Variants in TCF7L1 observed in about 807,000 individuals in gnomAD.
The protein encoded by TCF7L1 is transcription factor 7-like 1.
A neutral mutation model predicts 63.7 loss-of-function variants in TCF7L1; 18 were observed. The ratio of observed to expected loss-of-function variants is 0.28; its 90% CI spans 0.20 to 0.42. The LOEUF (loss-of-function observed/expected upper bound fraction) is 0.42. TCF7L1 is among the 10% of genes least tolerant of loss of function. TCF7L1 has a pLI of 1.00. For synonymous variants in TCF7L1, 355 were observed against 340.9 expected (o/e 1.04, Z -0.46); for missense variants, 654 against 779.3 (o/e 0.84, Z 1.91).
chr2:85,142,877 C>G (rs1384197964), intron 3 of TCF7L1, among the ~76,000 whole-genome samples: 1 of 152,330 alleles, frequency 6.6e-6, no homozygotes, highest in East Asian at 1.9e-4. Flanking sequence ...GTTAGCAATG[C>G]TCTGAGCTCA....
chr2:85,192,303 G>C (rs1679051242), intron 3 of TCF7L1, among the ~76,000 whole-genome samples: 1 of 152,198 alleles, frequency 6.6e-6, no homozygotes, highest in Non-Finnish European at 1.5e-5. Flanking sequence ...CCCAAACTCA[G>C]TCTAGTCATC....
intron 3 of TCF7L1, among the ~76,000 whole-genome samples, chr2:85,241,294 CT>C (rs752800541): frequency 1.5e-4 from 23 of 152,192 alleles, no homozygotes; most frequent in Non-Finnish European, 3.1e-4. Context: ...TTGAAATGCC[CT>C]GTCCTCAGTG....
chr2:85,179,149 T>A (rs563200283), intron 3 of TCF7L1, among the ~76,000 whole-genome samples: 1 of 152,346 alleles, frequency 6.6e-6, no homozygotes, highest in South Asian at 2.1e-4. Context: ...TAATTGCCTT[T>A]ATTGCCATGT....
chr2:85,139,393 G>C (rs1230090924), intron 3 of TCF7L1, among the ~76,000 whole-genome samples: 2 of 152,160 alleles, frequency 1.3e-5, no homozygotes, highest in African/African-American at 4.8e-5. Flanking sequence ...AATGGCTAAG[G>C]GACCATGGGA....
At chr2:85,149,954 GGACAA>G (rs1677969147) in intron 3 of TCF7L1, among the ~76,000 whole-genome samples, 1 of 152,144 alleles carries the variant, frequency 6.6e-6, no homozygotes, top group African/African-American at 2.4e-5. Flanking sequence ...TAAGATGAAG[GGACAA>G]GATACGTTCT....
chr2:85,222,897 A>C (rs986814074), intron 3 of TCF7L1, among the ~76,000 whole-genome samples: 36 of 152,174 alleles, frequency 2.4e-4, no homozygotes, highest in African/African-American at 7.7e-4. Flanking sequence ...AATATTTACC[A>C]ATGAAGTGAT....
chr2:85,270,253 C>T (rs1681118085), intron 3 of TCF7L1, among the ~76,000 whole-genome samples: 1 of 152,234 alleles, frequency 6.6e-6, no homozygotes, highest in African/African-American at 2.4e-5. Context: ...GCTTCTCCTC[C>T]CATAGGGGAA....
chr2:85,142,497 TACAC>T (rs1321375839), intron 3 of TCF7L1, among the ~76,000 whole-genome samples: 8 of 147,700 alleles, frequency 5.4e-5, no homozygotes, highest in East Asian at 2.0e-4. Context: ...TATATATATA[TACAC>T]ACACACACAA....
chr2:85,226,525 A>G (rs1303425138), intron 3 of TCF7L1, among the ~76,000 whole-genome samples: 2 of 152,024 alleles, frequency 1.3e-5, no homozygotes, highest in African/African-American at 4.8e-5. Flanking sequence ...GTGCTTCTCT[A>G]TGTCAGTGCA....
chr2:85,205,371 TCC>T (rs1485652834), intron 3 of TCF7L1, among the ~76,000 whole-genome samples: 1 of 152,162 alleles, frequency 6.6e-6, no homozygotes, highest in Non-Finnish European at 1.5e-5. Context: ...GCCTTTGTCT[TCC>T]GGCTGTAGCA....
chr2:85,241,320 G>T (rs1256117752), intron 3 of TCF7L1, among the ~76,000 whole-genome samples: 1 of 152,096 alleles, frequency 6.6e-6, no homozygotes, highest in East Asian at 1.9e-4. Flanking sequence ...CTACATGGTG[G>T]TGCACAGTAG....
At chr2:85,234,890 T>G (rs188289929) in intron 3 of TCF7L1, among the ~76,000 whole-genome samples, 16 of 152,276 alleles carry the variant, frequency 1.1e-4, no homozygotes, top group Admixed American at 1.0e-3. Flanking sequence ...AGAGGGTTGC[T>G]GGGGATGGGC....
At chr2:85,296,090 T>G (rs967455940) in intron 4 of TCF7L1, among the ~76,000 whole-genome samples, 4 of 152,192 alleles carry the variant, frequency 2.6e-5, no homozygotes, top group African/African-American at 9.6e-5. Context: ...TAACATTAAC[T>G]TTTCATGTCA....
chr2:85,253,538 G>A (rs62165595), intron 3 of TCF7L1, among the ~76,000 whole-genome samples: 51,688 of 151,950 alleles, frequency 0.34, 9,596 homozygotes, highest in Non-Finnish European at 0.43. Context: ...AAGATGAGTG[G>A]GGCCATGACC....
chr2:85,273,144 G>T (rs1681192322), intron 3 of TCF7L1, among the ~76,000 whole-genome samples: 1 of 152,134 alleles, frequency 6.6e-6, no homozygotes. Flanking sequence ...AGCTTCCTGG[G>T]CTCTCCTCCC....
chr2:85,299,904 C>CACACACACACACACACACACACA (rs1558660698), intron 4 of TCF7L1, among the ~76,000 whole-genome samples: 1 of 150,272 alleles, frequency 6.7e-6, no homozygotes, highest in African/African-American at 2.5e-5. Context: ...CACACACACA[C>CACACACACACACACACACACACA]TGATGCCCAG....
At chr2:85,147,914 T>C (rs114375470) in intron 3 of TCF7L1, among the ~76,000 whole-genome samples, 190 of 152,226 alleles carry the variant, frequency 1.2e-3, no homozygotes, top group African/African-American at 4.5e-3. Flanking sequence ...AAATATTAAG[T>C]TGGACCATCA....
At position 85,309,329 on chromosome 2, in the gene TCF7L1, C is replaced by T; in HGVS notation, c.1634C>T (p.Pro545Leu). The part of the protein sequence containing the change: ...MGSQPPLLSR[P>L]LPLGSMPTAL... ...AGCCAGCCTCCCCTCCTGTCCCGGC[C>T]CCTCCCCCTTGGGTCCATGCCCACA... The change falls in exon 12 of 12, where the codon CCC becomes CTC. Residue 545 changes from proline to leucine, a missense_variant. Pro to Leu is a moderately conservative substitution (Grantham distance 98). Coordinates refer to ENST00000282111, the MANE Select transcript of TCF7L1 (RefSeq NM_031283.3). 1 of 1,613,018 alleles carries T rather than the reference C, an allele frequency of 6.2e-7. No individual in the cohort carries two copies. Among genetic ancestry groups the T allele is most frequent in the African/African-American group, 1.3e-5 (1 of 75,030 alleles).
intron 3 of TCF7L1, among the ~76,000 whole-genome samples, chr2:85,277,405 T>C (rs1252753200): frequency 6.6e-6 from 1 of 152,100 alleles, no homozygotes; most frequent in Non-Finnish European, 1.5e-5. Flanking sequence ...GGAAGCCACC[T>C]GCACCCGGAG....
Sources: gnomAD v4.1 joint callset for allele counts (sites outside exome capture counted in the v4.1 genomes callset) on GRCh38, gnomAD v4.1.1 for gene constraint, MANE v1.5 for transcripts, NCBI Gene and HGNC (gene_info 2026-07-23, HGNC 2026-07-21) for gene names.